The following RDH13 variants were observed in gnomAD, a reference collection of about 807,000 sequenced individuals.
RDH13 encodes retinol dehydrogenase 13.
RDH13 carries 35 observed loss-of-function variants against 28.3 expected under a neutral mutation model. The observed-to-expected ratio is 1.24, with a 90% CI of 0.95 to 1.64. The LOEUF is 1.64. Ranked by LOEUF, RDH13 falls within the 40% of genes most tolerant of loss-of-function variation. The pLI, the probability that RDH13 is intolerant of heterozygous loss-of-function variation, is 0.00. For missense variants in RDH13, 514 were observed against 446.3 expected (o/e 1.15, Z -1.37); for synonymous variants, 229 against 198.5 (o/e 1.15, Z -1.29).
At chr19:55,049,319 G>A (rs974171141) in intron 3 of RDH13, among the ~76,000 whole-genome samples, 2 of 152,004 alleles carry the variant, frequency 1.3e-5, no homozygotes, top group Non-Finnish European at 2.9e-5. Context: ...CGGCACCGCA[G>A]GCGTGGTTTC....
downstream of RDH13, among the ~76,000 whole-genome samples, chr19:55,039,879 A>G (rs978616180): frequency 6.6e-6 from 1 of 152,168 alleles, no homozygotes; most frequent in Non-Finnish European, 1.5e-5. Context: ...ATTCAGATAC[A>G]TGCTACAACG....
chr19:55,063,716 G>A (rs1459378726), upstream of RDH13: 3 of 153,664 alleles, frequency 2.0e-5, no homozygotes, highest in Non-Finnish European at 4.4e-5. Context: ...GGACTGCTGA[G>A]TCTGAGGGAG....
At position 55,059,586 on chromosome 19, in the gene RDH13, T is replaced by TG. The variant is rs202150997; in HGVS notation, c.66-312dup. 3.7e-3 allele frequency among the ~76,000 whole-genome samples: 291 copies of TG among 79,192 alleles called. 1 individual carries two copies. Among genetic ancestry groups the TG allele is most frequent in the East Asian group, 0.019 (33 of 1,706 alleles). The allele number at this position is 79,192 out of a possible 152,430, so 52.0% of individuals were successfully genotyped here. A position where few individuals can be genotyped will look rare whatever the true frequency, so the allele number is the denominator to read the frequency against. ...CTTTGGGAGGCCAAAGTTTTGGGGGTGGGGGGGGGCGGGGGCGGATCACTT... is the reference window on the plus strand; with the variant it reads ...CTTTGGGAGGCCAAAGTTTTGGGGGTGGGGGGGGGGCGGGGGCGGATCACTT... On this transcript the variant is annotated intron_variant, in intron 1 of 6. Coordinates refer to ENST00000415061, the MANE Select transcript of RDH13 (RefSeq NM_001145971.2).
In RDH13 at chr19:55,063,107, C is replaced by A. The variant is rs1331965956; in HGVS notation, c.-75G>T. 1.6e-5 allele frequency: 19 copies of A among 1,211,246 alleles called. No homozygotes were observed. Among genetic ancestry groups the A allele is most frequent in the Middle Eastern group, 2.6e-4 (1 of 3,774 alleles). The allele number at this position is 1,211,246 out of a possible 1,614,324, so 75.0% of individuals were successfully genotyped here. On this transcript the variant is annotated 5_prime_UTR_variant, in exon 1 of 7. Coordinates refer to ENST00000415061, the MANE Select transcript of RDH13 (RefSeq NM_001145971.2). ...TGCACACCAGCCGCCTGGGTAGCTC[C>A]GAGGAAGAGCGCGCGACGCAGCCAC...
rs763466160 is a variant in RDH13 at position 55,048,516 on chromosome 19, CA to C, written c.470del (p.Leu157ArgfsTer5). 6.2e-7 allele frequency: 1 copy of C among 1,614,084 alleles called. No individual in the cohort carries two copies. The highest frequency in any genetic ancestry group is 8.5e-7 in the Non-Finnish European group (1 of 1,180,038). ...GGGCTGAGGCTTTCAGCTTGTCCAG[CA>C]GCAAGTTTGTCAAGAGAAAGTGACC... ...HLGHFLLTNL[L>X]LDKLKASAPS... On this transcript the variant is annotated frameshift_variant, in exon 5 of 7. Transcript: ENST00000415061. LOFTEE classifies it high-confidence loss of function.
intron 6 of RDH13, chr19:55,047,105 CCT>C: frequency 7.4e-7 from 1 of 1,348,124 alleles, no homozygotes; most frequent in Admixed American, 3.2e-5. Flanking sequence ...CTGGAGTTAC[CCT>C]GAGTACAGCC....
Position 55,060,594 on chromosome 19 carries a change from T to C in RDH13, c.66-1319A>G, listed in dbSNP as rs936820211. Among the ~76,000 whole-genome samples the C allele has an allele frequency of 2.0e-5, 3 of 152,194 alleles. No homozygotes were observed. The East Asian group carries it at 5.8e-4, about 29-fold the overall frequency. ...AGCGCCGGTCCCCTGGGCCCACTGT[T>C]GTTTCTCTATACTTTGTGTCTTATT... On this transcript the variant is annotated intron_variant, in intron 1 of 6. Coordinates refer to ENST00000415061, the MANE Select transcript of RDH13 (RefSeq NM_001145971.2).
chr19:55,052,225 A>G (rs1451370465), intron 3 of RDH13, among the ~76,000 whole-genome samples: 1 of 151,460 alleles, frequency 6.6e-6, no homozygotes, highest in African/African-American at 2.4e-5. Context: ...CCTGACCAAC[A>G]TGGTGAAACC....
At chr19:55,057,165 C>T (rs1421066296) in intron 2 of RDH13, among the ~76,000 whole-genome samples, 2 of 152,104 alleles carry the variant, frequency 1.3e-5, no homozygotes, top group Non-Finnish European at 2.9e-5. Flanking sequence ...TGATTTCACA[C>T]CTATGAAACG....
chr19:55,048,970 G>A (rs536882084), intron 3 of RDH13, among the ~76,000 whole-genome samples: 1 of 152,234 alleles, frequency 6.6e-6, no homozygotes, highest in Admixed American at 6.5e-5. Flanking sequence ...GGAAAACAGA[G>A]ACAGAGACAC....
intron 1 of RDH13, among the ~76,000 whole-genome samples, chr19:55,060,376 G>A (rs542911257): frequency 3.8e-4 from 58 of 152,270 alleles, no homozygotes; most frequent in Non-Finnish European, 6.3e-4. Context: ...TCTGGCCTAC[G>A]TGCACGTCCA....
intron 6 of RDH13, 74 bp from the exon 7 acceptor site, chr19:55,045,383 G>A (rs933459794): frequency 2.5e-6 from 3 of 1,217,672 alleles, no homozygotes; most frequent in Non-Finnish European, 3.5e-6. Flanking sequence ...CCCCGGTCAG[G>A]GAGCTCCGGG....
At chr19:55,061,813 G>A (rs2075815960) in intron 1 of RDH13, among the ~76,000 whole-genome samples, 1 of 147,982 alleles carries the variant, frequency 6.8e-6, no homozygotes, top group Admixed American at 6.8e-5. Flanking sequence ...AAGACTACAT[G>A]ATAATCATAA....
chr19:55,040,717 TA>T (rs2075005232), downstream of RDH13: 1 of 152,252 alleles, frequency 6.6e-6, no homozygotes. Context: ...AAATTATTGG[TA>T]AAATAAGATT....
Position 55,056,748 on chromosome 19 carries a change from A to T in RDH13, c.245T>A (p.Ile82Asn), listed in dbSNP as rs372018032. 2.7e-5 allele frequency: 44 copies of T among 1,613,792 alleles called. No individual in the cohort carries two copies. The Middle Eastern group carries it at 9.9e-4, about 36-fold the overall frequency. The change falls in exon 3 of 7, where the codon ATC becomes AAC. Residue 82 changes from isoleucine to asparagine, a missense_variant. Transcript: ENST00000415061. ...MEKCEAAAKD[I>N]RGETLNHHVN... ...ATGGTGATTGAGGGTCTCCCCGCGGATGTCCTTTGCTGCCGCCTCACACTT... is the reference window on the plus strand; with the variant it reads ...ATGGTGATTGAGGGTCTCCCCGCGGTTGTCCTTTGCTGCCGCCTCACACTT...
chr19:55,048,479 T>C lies in RDH13; in HGVS notation c.508A>G (p.Ile170Val). 6.2e-7 allele frequency: 1 copy of C among 1,614,232 alleles called. No homozygotes were observed. The highest frequency in any genetic ancestry group is 8.5e-7 in the Non-Finnish European group (1 of 1,180,046). ...ACATGGGCCAGGGACGAGAGGTTGATGATCCGCGAAGGGGCTGAGGCTTTC... is the reference window on the plus strand; with the variant it reads ...ACATGGGCCAGGGACGAGAGGTTGACGATCCGCGAAGGGGCTGAGGCTTTC... The part of the protein sequence containing the change: ...KLKASAPSRI[I>V]NLSSLAHVAG... The change falls in exon 5 of 7, where the codon ATC becomes GTC. Residue 170 changes from isoleucine (I) to valine (V), a missense_variant. By Grantham distance (29) the Ile-to-Val change is conservative (BLOSUM62 3). Transcript: ENST00000415061.
chr19:55,059,147 G>A lies in RDH13; in HGVS notation c.184+10C>T, dbSNP rs568427375. The A allele has an allele frequency of 3.3e-6, 5 of 1,535,578 alleles. No homozygotes were observed. In the South Asian group the frequency reaches 4.7e-5, roughly 14 times the overall value. The stretch of plus-strand genomic sequence containing the variant: ...TATCTCTCTGAGAGCCAAAGCAGGG[G>A]AGATTTTACCTCTCCTGGCCAGTTC... On this transcript the variant is annotated intron_variant, in intron 2 of 6. Transcript: ENST00000415061.
intron 2 of RDH13, among the ~76,000 whole-genome samples, chr19:55,057,347 A>T (rs1418046551): frequency 1.3e-5 from 2 of 152,076 alleles, no homozygotes; most frequent in Admixed American, 6.6e-5. Context: ...GACTATACTA[A>T]ACATCACTGA....
At chr19:55,040,955 C>T (rs1264706304), downstream of RDH13, 2 of 152,180 alleles carry the variant, frequency 1.3e-5, no homozygotes, top group Non-Finnish European at 2.9e-5. Context: ...GGAGAAACGC[C>T]ATCTCTACTA....
Sources: allele counts gnomAD v4.1 joint callset (sites outside exome capture counted in the v4.1 genomes callset), GRCh38; gene constraint gnomAD v4.1.1; transcripts MANE v1.5; gene names NCBI Gene and HGNC (gene_info 2026-07-23, HGNC 2026-07-21).